Variants in SFXN2 observed in about 807,000 individuals in gnomAD.
SFXN2 encodes the protein sideroflexin-2.
SFXN2 carries 37 observed loss-of-function variants against 41.9 expected under a neutral mutation model. That is an observed-to-expected ratio of 0.88 (90% CI 0.68 to 1.16). SFXN2 has a LOEUF of 1.16. SFXN2 is among the 50% of genes most tolerant of loss of function. The pLI is 0.00. For missense variants in SFXN2, 386 were observed against 425.2 expected (o/e 0.91, Z 0.81); for synonymous variants, 150 against 156.7 (o/e 0.96, Z 0.32).
rs377662056 is a variant in SFXN2, at chr10:102,733,522, T to C, written c.772-32T>C. On this transcript the variant is annotated intron_variant, in intron 9 of 11. Transcript: ENST00000369893. Reference sequence around the variant, plus strand: ...TTCACCTTAAGGCATAGAAGTACCATGTGGATCTGTCTTTTATTTGTTTTT... The same window carrying C: ...TTCACCTTAAGGCATAGAAGTACCACGTGGATCTGTCTTTTATTTGTTTTT... 3.1e-6 allele frequency: 5 copies of C among 1,590,416 alleles called. No homozygotes were observed. In the African/African-American group the frequency reaches 6.7e-5, roughly 21 times the overall value.
rs1229516805 is a variant in SFXN2 at position 102,719,396 on chromosome 10, AT to A, written c.-26+4727del. On this transcript the variant is annotated intron_variant, in intron 1 of 11. Transcript: ENST00000369893. Reference sequence around the variant, plus strand: ...GCCACCACGCCCAGCTAATTTTTGTATTTTTTTTTTTTATTAGAGATGGGGT... The same window carrying A: ...GCCACCACGCCCAGCTAATTTTTGTATTTTTTTTTTTATTAGAGATGGGGT... Among the ~76,000 whole-genome samples the A allele has an allele frequency of 1.0e-3, 147 of 140,926 alleles. 1 individual carries two copies. The South Asian group carries it at 0.013, about 12-fold the overall frequency. The allele number at this position is 140,926 out of a possible 152,430, so 92.5% of individuals were successfully genotyped here.
At chr10:102,735,475 T>A (rs1185072820) in intron 10 of SFXN2, among the ~76,000 whole-genome samples, 1 of 150,802 alleles carries the variant, frequency 6.6e-6, no homozygotes, top group Admixed American at 6.6e-5. Context: ...CCCCTCCATG[T>A]CGCTCTTCCC....
intron 1 of SFXN2, chr10:102,717,654 A>T: frequency 1.7e-6 from 1 of 578,850 alleles, no homozygotes; most frequent in Non-Finnish European, 2.2e-6. Flanking sequence ...CAAGGTAGAC[A>T]GTTTTGCAAC....
chr10:102,731,130 G>A (rs897116564), intron 6 of SFXN2, among the ~76,000 whole-genome samples: 8 of 151,694 alleles, frequency 5.3e-5, no homozygotes, highest in Non-Finnish European at 1.0e-4. Flanking sequence ...AGCCGGGCAT[G>A]GTGGCGCATG....
In SFXN2 at chr10:102,742,551, G is replaced by C. The variant is rs887812118; in HGVS notation, c.*4789G>C. On this transcript the variant is annotated 3_prime_UTR_variant, in exon 12 of 12. Transcript: ENST00000369893. The stretch of plus-strand genomic sequence containing the variant: ...GCTCATTGCAGCTTCAATCTCCCTA[G>C]CTCTGGTGATTGTCCCACCTCAGCC... The C allele has an allele frequency of 2.0e-5, 3 of 151,152 alleles. No homozygotes were observed. Among genetic ancestry groups the C allele is most frequent in the African/African-American group, 7.3e-5 (3 of 40,944 alleles). 9.4% of individuals were successfully genotyped at this position (151,152 alleles called of 1,614,324 possible).
intron 1 of SFXN2, among the ~76,000 whole-genome samples, chr10:102,723,480 G>A (rs970084820): frequency 1.3e-5 from 2 of 152,010 alleles, no homozygotes; most frequent in Admixed American, 1.3e-4. Flanking sequence ...TCAAACTCCC[G>A]ACCTCAGGTG....
Position 102,737,779 on chromosome 10 carries a change from A to G in SFXN2, c.*17A>G. The G allele has an allele frequency of 6.4e-7, 1 of 1,552,752 alleles. No individual in the cohort carries two copies. Among genetic ancestry groups the G allele is most frequent in the Non-Finnish European group, 8.9e-7 (1 of 1,124,924 alleles). On this transcript the variant is annotated 3_prime_UTR_variant, in exon 12 of 12. Transcript: ENST00000369893. Reference sequence around the variant, plus strand: ...GGTCTCTAAATGCCCCACTTCAGCAAGGACCAGTCTATTCCCATATTCACC... The same window carrying G: ...GGTCTCTAAATGCCCCACTTCAGCAGGGACCAGTCTATTCCCATATTCACC...
chr10:102,725,205 G>A (rs1564741333), intron 1 of SFXN2, among the ~76,000 whole-genome samples: 1 of 152,106 alleles, frequency 6.6e-6, no homozygotes, highest in Non-Finnish European at 1.5e-5. Flanking sequence ...GTGAGGTGAG[G>A]GAGTGGAGGA....
chr10:102,726,851 C>G (rs904574985), intron 2 of SFXN2, 54 bp downstream of exon 2: 104 of 1,603,642 alleles, frequency 6.5e-5, no homozygotes, highest in Middle Eastern at 3.4e-4. Context: ...ATGGGGTCCT[C>G]TTGGGAGGAG....
At chr10:102,732,677 A>C (rs2064721347) in intron 8 of SFXN2, among the ~76,000 whole-genome samples, 182 bp from the exon 9 acceptor site, 2 of 152,150 alleles carry the variant, frequency 1.3e-5, no homozygotes, top group Admixed American at 1.3e-4. Context: ...TTCTGCCAGG[A>C]CTTTGGGGAG....
At chr10:102,726,915 G>T in intron 2 of SFXN2, 72 bp from the exon 3 acceptor site, 1 of 1,580,122 alleles carries the variant, frequency 6.3e-7, no homozygotes, top group African/African-American at 1.3e-5. Flanking sequence ...GGGGCTGGAA[G>T]AAGTGAGAGT....
intron 1 of SFXN2, among the ~76,000 whole-genome samples, chr10:102,718,612 C>T (rs530876019): frequency 2.0e-5 from 3 of 152,356 alleles, no homozygotes; most frequent in African/African-American, 4.8e-5. Context: ...AGAGAAGCAT[C>T]GGGGCCAGGC....
chr10:102,741,614 A>T lies in SFXN2; in HGVS notation c.*3852A>T, dbSNP rs1353721301. On this transcript the variant is annotated 3_prime_UTR_variant, in exon 12 of 12. Coordinates refer to ENST00000369893, the MANE Select transcript of SFXN2 (RefSeq NM_178858.6). ...GACAGAGGGCCTCACTATGTTTCCC[A>T]GGTTGGTCTTGAACCCCTGACCTCA... The T allele has an allele frequency of 6.6e-6, 1 of 152,252 alleles. No individual in the cohort carries two copies. The highest frequency in any genetic ancestry group is 2.4e-5 in the African/African-American group (1 of 41,456). The allele number at this position is 152,252 out of a possible 1,614,324, so 9.4% of individuals were successfully genotyped here.
In SFXN2 at chr10:102,740,566, G is replaced by T. The variant is rs1181861213; in HGVS notation, c.*2804G>T. 6.6e-6 allele frequency: 1 copy of T among 152,164 alleles called. No individual in the cohort carries two copies. Among genetic ancestry groups the T allele is most frequent in the Non-Finnish European group, 1.5e-5 (1 of 68,066 alleles). 9.4% of individuals were successfully genotyped at this position (152,164 alleles called of 1,614,324 possible). The stretch of plus-strand genomic sequence containing the variant: ...CCCAAAAGAAACCCCATACCCATTG[G>T]CAGTCACTCCACATTCTCCCTACCT... On this transcript the variant is annotated 3_prime_UTR_variant, in exon 12 of 12. Transcript: ENST00000369893.
chr10:102,727,255 A>C, intron 3 of SFXN2, 98 bp downstream of exon 3: 1 of 1,335,966 alleles, frequency 7.5e-7, no homozygotes, highest in Non-Finnish European at 1.0e-6. Flanking sequence ...TTGATTGGTC[A>C]CTTACCAGAT....
At chr10:102,720,726 G>A (rs58966619) in intron 1 of SFXN2, among the ~76,000 whole-genome samples, 4,597 of 151,840 alleles carry the variant, frequency 0.03, 251 homozygotes, top group African/African-American at 0.1. Context: ...AGCACCTATC[G>A]CCCAAGTCAG....
At chr10:102,729,443 G>C (rs780046288) in intron 5 of SFXN2, 49 bp downstream of exon 5, 1 of 1,599,378 alleles carries the variant, frequency 6.3e-7, no homozygotes, top group Non-Finnish European at 8.6e-7. Flanking sequence ...GGGCAGCAGA[G>C]TCCTAGGGAA....
chr10:102,736,648 C>G (rs1325026189), intron 11 of SFXN2, among the ~76,000 whole-genome samples: 1 of 151,760 alleles, frequency 6.6e-6, no homozygotes, highest in Admixed American at 6.5e-5. Flanking sequence ...ATCTCCTCAC[C>G]TTGTGATCCG....
rs1462890079 is a variant in SFXN2 at position 102,726,724 on chromosome 10, A to C, written c.88A>C (p.Ile30Leu). 1 of 1,614,010 alleles carries C rather than the reference A, an allele frequency of 6.2e-7. No individual in the cohort carries two copies. Among genetic ancestry groups the C allele is most frequent in the African/African-American group, 1.3e-5 (1 of 74,898 alleles). Residue 30 changes from isoleucine (I) to leucine (L), a missense_variant, in exon 2 of 12, where the codon ATC becomes CTC. Coordinates refer to ENST00000369893, the MANE Select transcript of SFXN2 (RefSeq NM_178858.6). Reference sequence around the variant, plus strand: ...GGGGAGAGTGAAGCACTTCCTAAACATCACGGACCCCCGCACTGTCTTTGT... The same window carrying C: ...GGGGAGAGTGAAGCACTTCCTAAACCTCACGGACCCCCGCACTGTCTTTGT... ...FLGRVKHFLN[I>L]TDPRTVFVSE...
Sources: gnomAD v4.1 joint callset for allele counts (sites outside exome capture counted in the v4.1 genomes callset) on GRCh38, gnomAD v4.1.1 for gene constraint, MANE v1.5 for transcripts, NCBI Gene and HGNC (gene_info 2026-07-23, HGNC 2026-07-21) for gene names.